The following KHDRBS2 variants were observed in gnomAD, a reference collection of about 807,000 sequenced individuals.
KHDRBS2 encodes KH domain-containing, RNA-binding, signal transduction-associated protein 2.
KHDRBS2 carries 26 observed loss-of-function variants against 44.3 expected under a neutral mutation model. The observed-to-expected ratio is 0.59, with a 90% CI of 0.43 to 0.81. KHDRBS2 has a LOEUF of 0.81. Ranked by LOEUF, KHDRBS2 falls within the 40% of genes least tolerant of loss-of-function variation. The pLI is 0.00. For synonymous variants in KHDRBS2, 194 were observed against 151.1 expected, an observed-to-expected ratio of 1.28 and a Z score of -2.08; for missense variants, 476 against 433.1, an observed-to-expected ratio of 1.10 and a Z score of -0.88.
intron 2 of KHDRBS2, among the ~76,000 whole-genome samples, chr6:62,103,412 G>A (rs1481455274): frequency 6.6e-6 from 1 of 152,228 alleles, no homozygotes; most frequent in East Asian, 1.9e-4. Flanking sequence ...TCCCCAGCAT[G>A]CACACTGGCT....
chr6:61,954,487 G>A (rs570375816), intron 4 of KHDRBS2, among the ~76,000 whole-genome samples: 30 of 134,496 alleles, frequency 2.2e-4, no homozygotes, highest in South Asian at 9.4e-4. Context: ...ATACACATGC[G>A]TATGTATGTA....
chr6:61,548,529 T>C, the KHDRBS2 span, among the ~76,000 whole-genome samples: 1 of 152,140 alleles, frequency 6.6e-6, no homozygotes, highest in Admixed American at 6.6e-5. Flanking sequence ...CAAGGCAAAC[T>C]ATTAATCTTT....
At chr6:62,125,458 T>A (rs1197184431) in intron 2 of KHDRBS2, among the ~76,000 whole-genome samples, 1 of 152,140 alleles carries the variant, frequency 6.6e-6, no homozygotes, top group African/African-American at 2.4e-5. Context: ...CTTGATGCTA[T>A]GTTGGGCTCA....
chr6:62,110,772 G>C (rs972898665), intron 2 of KHDRBS2, among the ~76,000 whole-genome samples: 5 of 152,028 alleles, frequency 3.3e-5, no homozygotes, highest in African/African-American at 1.2e-4. Flanking sequence ...GAAAAACTGG[G>C]TGTTGAAGGA....
rs189470982 is a variant in KHDRBS2, at chr6:62,279,178, G to T, written c.91+6680C>A. Among the ~76,000 whole-genome samples, 77 of 152,082 alleles carry T rather than the reference G, an allele frequency of 5.1e-4. 1 individual carries two copies. Among genetic ancestry groups the T allele is most frequent in the Middle Eastern group, 6.8e-3 (2 of 294 alleles). On this transcript the variant is annotated intron_variant, in intron 1 of 8. Coordinates refer to ENST00000281156, the MANE Select transcript of KHDRBS2 (RefSeq NM_152688.4). ...ATCCAAACAACAAAGAAACAAATGG[G>T]CAGATTCTCAGATACCTCACAGAGT...
At chr6:62,106,850 T>C (rs1202870898) in intron 2 of KHDRBS2, among the ~76,000 whole-genome samples, 1 of 152,008 alleles carries the variant, frequency 6.6e-6, no homozygotes, top group East Asian at 1.9e-4. Flanking sequence ...ACCACATGAT[T>C]ATCTCAATAG....
intron 6 of KHDRBS2, among the ~76,000 whole-genome samples, chr6:61,778,314 A>T (rs1436183384): frequency 6.6e-6 from 1 of 152,168 alleles, no homozygotes. Flanking sequence ...GGACTGTGCA[A>T]GACACATTCT....
At chr6:62,043,916 G>C (rs996626824) in intron 3 of KHDRBS2, among the ~76,000 whole-genome samples, 3 of 151,774 alleles carry the variant, frequency 2.0e-5, no homozygotes, top group African/African-American at 7.3e-5. Context: ...CTACTAATCC[G>C]AATGACTGTT....
intron 1 of KHDRBS2, among the ~76,000 whole-genome samples, chr6:62,206,634 AATAATTTTGATAATACTAAC>A (rs1343013824): frequency 2.0e-5 from 3 of 152,080 alleles, no homozygotes; most frequent in Non-Finnish European, 4.4e-5. Context: ...TCAAGTCAGG[AATAATTTTGATAATACTAAC>A]ATAATTAATT....
At chr6:61,611,268 T>C in the KHDRBS2 span, among the ~76,000 whole-genome samples, 1 of 152,208 alleles carries the variant, frequency 6.6e-6, no homozygotes, top group African/African-American at 2.4e-5. Flanking sequence ...TTGAGAGCTT[T>C]ACATTCACCT....
At chr6:62,281,554 A>T (rs1407299617) in intron 1 of KHDRBS2, among the ~76,000 whole-genome samples, 11 of 152,180 alleles carry the variant, frequency 7.2e-5, no homozygotes. Flanking sequence ...CAGGAGGCAG[A>T]GGTTGCAGTG....
intron 6 of KHDRBS2, among the ~76,000 whole-genome samples, chr6:61,771,495 T>A (rs1780895135): frequency 6.6e-6 from 1 of 152,038 alleles, no homozygotes; most frequent in Admixed American, 6.6e-5. Flanking sequence ...GAGGAAGATC[T>A]ACCAAGCAAA....
At chr6:62,014,018 A>AT (rs1292020022) in intron 3 of KHDRBS2, among the ~76,000 whole-genome samples, 1 of 152,176 alleles carries the variant, frequency 6.6e-6, no homozygotes, top group Non-Finnish European at 1.5e-5. Flanking sequence ...CAGAGTTTTG[A>AT]TTGACAGGTC....
At chr6:61,743,768 C>G (rs1039942097) in intron 6 of KHDRBS2, among the ~76,000 whole-genome samples, 3 of 129,690 alleles carry the variant, frequency 2.3e-5, no homozygotes, top group African/African-American at 1.0e-4. Flanking sequence ...TCTCTTAATG[C>G]TATCCCCCCC....
intron 6 of KHDRBS2, among the ~76,000 whole-genome samples, chr6:61,840,632 C>G (rs524296): frequency 0.57 from 86,988 of 151,800 alleles, 25,088 homozygotes; most frequent in South Asian, 0.68. Flanking sequence ...GAGAGAGGGA[C>G]AGTGACATTT....
intron 5 of KHDRBS2, among the ~76,000 whole-genome samples, chr6:61,897,097 A>G (rs1348569127): frequency 6.6e-6 from 1 of 152,076 alleles, no homozygotes; most frequent in Non-Finnish European, 1.5e-5. Flanking sequence ...TTTCTTCCTA[A>G]CATAATGCCA....
At chr6:61,783,767 A>G (rs988198850) in intron 6 of KHDRBS2, among the ~76,000 whole-genome samples, 34 of 152,208 alleles carry the variant, frequency 2.2e-4, no homozygotes, top group African/African-American at 7.7e-4. Flanking sequence ...AAATTACAAT[A>G]TGTATAGGAG....
At chr6:61,568,076 G>A in the KHDRBS2 span, among the ~76,000 whole-genome samples, 1 of 152,012 alleles carries the variant, frequency 6.6e-6, no homozygotes, top group African/African-American at 2.4e-5. Context: ...ATTTTTCCAA[G>A]CACTATTTAT....
chr6:62,286,015 T>A lies in KHDRBS2; in HGVS notation c.-67A>T, dbSNP rs16883133. 2 of 967,740 alleles carry A rather than the reference T, an allele frequency of 2.1e-6. No individual in the cohort carries two copies. The highest frequency in any genetic ancestry group is 3.2e-6 in the Non-Finnish European group (2 of 616,352). The allele number at this position is 967,740 out of a possible 1,614,324, so 59.9% of individuals were successfully genotyped here. On this transcript the variant is annotated 5_prime_UTR_variant, in exon 1 of 9. The change creates a new upstream start codon in the 5' untranslated region. Transcript: ENST00000281156. ...CGCTCGCTCGGACGCAGGCAGGGTC[T>A]TGGGGCAGCGCCTGGCTCCCGCGCT...
Sources: gnomAD v4.1 joint callset for allele counts (sites outside exome capture counted in the v4.1 genomes callset) on GRCh38, gnomAD v4.1.1 for gene constraint, MANE v1.5 for transcripts, NCBI Gene and HGNC (gene_info 2026-07-23, HGNC 2026-07-21) for gene names.